Variants in ATXN1 observed in about 807,000 individuals in gnomAD.
ATXN1 encodes ataxin 1.
ATXN1 carries 8 observed loss-of-function variants against 56.4 expected under a neutral mutation model. The ratio of observed to expected loss-of-function variants is 0.14; its 90% CI spans 0.08 to 0.26. The LOEUF is 0.26. Among genes scored for constraint, ATXN1 ranks in the 10% least tolerant of loss-of-function variants. The pLI is 1.00. For missense variants in ATXN1, 987 were observed against 1,106.5 expected (o/e 0.89, Z 1.53); for synonymous variants, 514 against 494.6 (o/e 1.04, Z -0.52).
At chr6:16,644,298 C>T (rs966901982) in intron 3 of ATXN1, among the ~76,000 whole-genome samples, 2 of 152,074 alleles carry the variant, frequency 1.3e-5, no homozygotes, top group Admixed American at 6.5e-5. Context: ...GGGCAGATCA[C>T]GAGGTCAAGA....
intron 4 of ATXN1, among the ~76,000 whole-genome samples, chr6:16,537,843 C>T (rs1761634979): frequency 6.6e-6 from 1 of 151,794 alleles, no homozygotes; most frequent in African/African-American, 2.4e-5. Flanking sequence ...TGGCTCACAC[C>T]TGTAATACCA....
chr6:16,357,426 T>C (rs566486131), intron 6 of ATXN1, among the ~76,000 whole-genome samples: 141 of 152,076 alleles, frequency 9.3e-4, no homozygotes, highest in African/African-American at 3.3e-3. Flanking sequence ...CCCGCCACCA[T>C]GCCCGGCTAA....
chr6:16,491,277 A>ATTTTTTTTTTT (rs57395401), intron 5 of ATXN1, among the ~76,000 whole-genome samples: 1 of 132,220 alleles, frequency 7.6e-6, no homozygotes, highest in African/African-American at 2.9e-5. Flanking sequence ...TATTATTATT[A>ATTTTTTTTTTT]TTTTTTTTTT....
chr6:16,634,610 C>A (rs1293994592), intron 3 of ATXN1, among the ~76,000 whole-genome samples: 1 of 152,172 alleles, frequency 6.6e-6, no homozygotes, highest in Non-Finnish European at 1.5e-5. Flanking sequence ...CTGCAACCCC[C>A]AAACTAACTT....
At chr6:16,457,345 A>G (rs1043473164) in intron 6 of ATXN1, among the ~76,000 whole-genome samples, 1 of 151,834 alleles carries the variant, frequency 6.6e-6, no homozygotes, top group East Asian at 1.9e-4. Flanking sequence ...TCCGAACAGC[A>G]GGATCCAGGG....
intron 4 of ATXN1, among the ~76,000 whole-genome samples, chr6:16,582,285 T>C (rs1306521246): frequency 1.3e-5 from 2 of 152,234 alleles, no homozygotes; most frequent in Non-Finnish European, 2.9e-5. Context: ...GTGTTGACTG[T>C]ATCTCCCTGA....
rs375359789 is a variant in ATXN1, at chr6:16,316,865, C to CTTTTTTTTTTTTTTTTTTTTTTTTTTTT, written c.1917+9528_1917+9529insAAAAAAAAAAAAAAAAAAAAAAAAAAAA. ...AGGGGGCAATAGAGAGACTGCCTGT[C>CTTTTTTTTTTTTTTTTTTTTTTTTTTTT]TTTTTTTTTTTTTTTTTTTTTTTTT... is the stretch of plus-strand genomic sequence containing the variant. On this transcript the variant is annotated intron_variant, in intron 7 of 7. Coordinates refer to ENST00000436367, the MANE Select transcript of ATXN1 (RefSeq NM_001128164.2). Among the ~76,000 whole-genome samples, 4 of 99,460 alleles carry CTTTTTTTTTTTTTTTTTTTTTTTTTTTT rather than the reference C, an allele frequency of 4.0e-5. No homozygotes were observed. The South Asian group carries it at 1.3e-3, about 32-fold the overall frequency. The allele number at this position is 99,460 out of a possible 152,430, so 65.2% of individuals were successfully genotyped here. A position where few individuals can be genotyped will look rare whatever the true frequency, so the allele number is the denominator to read the frequency against.
intron 1 of ATXN1, among the ~76,000 whole-genome samples, chr6:16,756,454 T>A (rs912581408): frequency 3.9e-5 from 6 of 152,212 alleles, no homozygotes; most frequent in Non-Finnish European, 8.8e-5. Context: ...GAAATTATTA[T>A]TTCTATTACC....
chr6:16,311,164 A>T lies in ATXN1; in HGVS notation c.1918-4305T>A, dbSNP rs1201060256. Reference sequence around the variant, plus strand: ...AGCTCTCAGGTACAAACTTTACAAAAAGTATTTTGTTTAATGTTCATAATA... The same window carrying T: ...AGCTCTCAGGTACAAACTTTACAAATAGTATTTTGTTTAATGTTCATAATA... On this transcript the variant is annotated intron_variant, in intron 7 of 7. Coordinates refer to ENST00000436367, the MANE Select transcript of ATXN1 (RefSeq NM_001128164.2). 2.0e-5 allele frequency among the ~76,000 whole-genome samples: 3 copies of T among 152,326 alleles called. No homozygotes were observed. The East Asian group carries it at 5.8e-4, about 29-fold the overall frequency.
At chr6:16,719,635 T>C (rs1759707528) in intron 2 of ATXN1, among the ~76,000 whole-genome samples, 1 of 152,194 alleles carries the variant, frequency 6.6e-6, no homozygotes, top group Non-Finnish European at 1.5e-5. Context: ...AGATAGGCTC[T>C]CCGGATGGTC....
At chr6:16,332,136 A>C (rs1157983475) in intron 6 of ATXN1, among the ~76,000 whole-genome samples, 1 of 152,168 alleles carries the variant, frequency 6.6e-6, no homozygotes, top group East Asian at 1.9e-4. Context: ...TCCTCCTCCT[A>C]CATTTAGGGC....
In ATXN1 at chr6:16,761,452, A is replaced by G. The variant is rs559094978; in HGVS notation, c.-884T>C. 2.2e-6 allele frequency: 1 copy of G among 456,664 alleles called. No individual in the cohort carries two copies. Among genetic ancestry groups the G allele is most frequent in the African/African-American group, 2.0e-5 (1 of 49,938 alleles). The allele number at this position is 456,664 out of a possible 1,614,324, so 28.3% of individuals were successfully genotyped here. ...AGGTCCTGTACGGCTCCGCCACTGT[A>G]GTAGAAATGATGTCTGCGGTATACT... is the stretch of plus-strand genomic sequence containing the variant. On this transcript the variant is annotated 5_prime_UTR_variant, in exon 1 of 8. Transcript: ENST00000436367.
At chr6:16,715,410 A>G (rs921701184) in intron 2 of ATXN1, among the ~76,000 whole-genome samples, 3 of 152,218 alleles carry the variant, frequency 2.0e-5, no homozygotes, top group African/African-American at 4.8e-5. Flanking sequence ...ACATGTGTTA[A>G]TTCAAAAAAT....
chr6:16,671,105 C>A (rs6921608), intron 2 of ATXN1, among the ~76,000 whole-genome samples: 99,962 of 152,026 alleles, frequency 0.66, 33,172 homozygotes, highest in East Asian at 0.74. Flanking sequence ...CAAGTGAAAA[C>A]CAATAGCTGA....
At chr6:16,743,066 T>G (rs3828870) in intron 2 of ATXN1, among the ~76,000 whole-genome samples, 1 of 152,172 alleles carries the variant, frequency 6.6e-6, no homozygotes, top group Non-Finnish European at 1.5e-5. Flanking sequence ...ATTCATTCGA[T>G]GCAATAGCTG....
rs570326623 is a variant in ATXN1, at chr6:16,434,098, T to C, written c.-161+51874A>G. On this transcript the variant is annotated intron_variant, in intron 6 of 7. Transcript: ENST00000436367. ...CTTCGGAAATTGGCATTTATAATATTTGTGGGTTCATCCTTCTCCATGTAC... is the reference window on the plus strand; with the variant it reads ...CTTCGGAAATTGGCATTTATAATATCTGTGGGTTCATCCTTCTCCATGTAC... Among the ~76,000 whole-genome samples, 4 of 152,324 alleles carry C rather than the reference T, an allele frequency of 2.6e-5. No individual in the cohort carries two copies. In the South Asian group the frequency reaches 6.2e-4, roughly 24 times the overall value.
chr6:16,563,645 G>A (rs984215720), intron 4 of ATXN1, among the ~76,000 whole-genome samples: 3 of 152,208 alleles, frequency 2.0e-5, no homozygotes, highest in South Asian at 2.1e-4. Context: ...GTCCAAGTTG[G>A]GGGGTGTGAG....
chr6:16,351,924 T>A (rs1761578227), intron 6 of ATXN1, among the ~76,000 whole-genome samples: 1 of 152,348 alleles, frequency 6.6e-6, no homozygotes, highest in Admixed American at 6.5e-5. Context: ...TCTCTTTCAG[T>A]ATGAGATTAT....
At chr6:16,714,016 C>T (rs1213813854) in intron 2 of ATXN1, among the ~76,000 whole-genome samples, 1 of 152,008 alleles carries the variant, frequency 6.6e-6, no homozygotes, top group African/African-American at 2.4e-5. Context: ...ATTAGCCAGG[C>T]GTGGTGGTGT....
Sources: gnomAD v4.1 joint callset for allele counts (sites outside exome capture counted in the v4.1 genomes callset) on GRCh38, gnomAD v4.1.1 for gene constraint, MANE v1.5 for transcripts, NCBI Gene and HGNC (gene_info 2026-07-23, HGNC 2026-07-21) for gene names.